CFAP92: variants seen among roughly 807,000 people sequenced by gnomAD.
CFAP92 encodes cilia and flagella associated protein 92 (putative).
CFAP92 carries 86 observed loss-of-function variants against 106.3 expected under a neutral mutation model. That is an observed-to-expected ratio of 0.81 (90% CI 0.68 to 0.97). The LOEUF is 0.97. CFAP92 is among the 50% of genes least tolerant of loss of function. The pLI is 0.00. For missense variants in CFAP92, 1,204 were observed against 1,283.8 expected, an observed-to-expected ratio of 0.94 and a Z score of 0.95; for synonymous variants, 477 against 506.4, an observed-to-expected ratio of 0.94 and a Z score of 0.78.
chr3:128,990,682 G>T (rs1446654372), intron 2 of CFAP92, among the ~76,000 whole-genome samples: 3 of 151,806 alleles, frequency 2.0e-5, no homozygotes, highest in Non-Finnish European at 4.4e-5. Context: ...GATCACCTAA[G>T]GTCAGGAGTT....
At chr3:129,001,581 CGAAGGGACCGGA>C (rs999506884) in intron 1 of CFAP92, 17 of 1,346,364 alleles carry the variant, frequency 1.3e-5, no homozygotes, top group Non-Finnish European at 1.5e-5. Context: ...AGTGGCGGGG[CGAAGGGACCGGA>C]GGAGGGACCG....
intron 1 of CFAP92, chr3:129,002,035 A>C: frequency 6.5e-7 from 1 of 1,543,642 alleles, no homozygotes; most frequent in Non-Finnish European, 8.7e-7. Flanking sequence ...CTGCGCGCCG[A>C]GCCGCCGGAG....
intron 1 of CFAP92, chr3:129,001,714 G>C: frequency 6.6e-7 from 1 of 1,513,926 alleles, no homozygotes; most frequent in Non-Finnish European, 8.8e-7. Flanking sequence ...CGCACGCAGT[G>C]GCTGCTGAGC....
chr3:128,935,146 C>T lies in CFAP92; in HGVS notation c.2432G>A (p.Arg811Gln), dbSNP rs931296594. ...VFFLRDTERR[R>Q]VFQALARIHD... ...CCACCTGGCTAGAGCCTGGAAGACC[C>T]GCCTCCGCTCAGTGTCTCGCAGGAA... is the stretch of plus-strand genomic sequence containing the variant. The change falls in exon 11 of 16, where the codon CGG becomes CAG. Residue 811 changes from arginine to glutamine, a missense_variant. Physicochemically the swap from Arg to Gln is conservative, Grantham distance 43. Transcript: ENST00000645291. 21 of 1,530,720 alleles carry T rather than the reference C, an allele frequency of 1.4e-5. No individual in the cohort carries two copies. The African/African-American group carries it at 1.6e-4, about 12-fold the overall frequency. 94.8% of individuals were successfully genotyped at this position (1,530,720 alleles called of 1,614,324 possible). A position where few individuals can be genotyped will look rare whatever the true frequency, so the allele number is the denominator to read the frequency against.
At chr3:129,001,109 G>C (rs1257827921) in intron 1 of CFAP92, among the ~76,000 whole-genome samples, 2 of 152,246 alleles carry the variant, frequency 1.3e-5, no homozygotes, top group African/African-American at 4.8e-5. Context: ...CCGGGAAGAG[G>C]GGGAAGAGTG....
Position 128,915,239 on chromosome 3 carries a change from C to T in CFAP92, c.3160G>A (p.Glu1054Lys). 1 of 1,536,172 alleles carries T rather than the reference C, an allele frequency of 6.5e-7. No individual in the cohort carries two copies. Among genetic ancestry groups the T allele is most frequent in the Non-Finnish European group, 8.7e-7 (1 of 1,146,932 alleles). The change falls in exon 15 of 16, where the codon GAG (glutamate) becomes AAG (lysine). Residue 1054 changes from glutamate to lysine, a missense_variant. Glu to Lys is a moderately conservative substitution (Grantham distance 56, BLOSUM62 1). Transcript: ENST00000645291. ...CACCTGTCTCGATCCAACACAGGCTCCAGTACATTAGCAAACAGGGAGTTT... is the reference window on the plus strand; with the variant it reads ...CACCTGTCTCGATCCAACACAGGCTTCAGTACATTAGCAAACAGGGAGTTT... ...KENSLFANVL[E>K]PVLDRDRWSW...
chr3:128,949,181 C>T (rs1233481809), intron 9 of CFAP92, among the ~76,000 whole-genome samples: 1 of 152,190 alleles, frequency 6.6e-6, no homozygotes, highest in African/African-American at 2.4e-5. Context: ...ATATACTTAA[C>T]ATATAGCCTA....
intron 9 of CFAP92, among the ~76,000 whole-genome samples, chr3:128,964,351 T>C (rs1288251925): frequency 6.6e-6 from 1 of 152,186 alleles, no homozygotes; most frequent in East Asian, 1.9e-4. Flanking sequence ...CCAGTCTCAT[T>C]TGACACCAGA....
chr3:129,004,098 TG>T, upstream of CFAP92: 1 of 1,472,408 alleles, frequency 6.8e-7, no homozygotes, highest in Non-Finnish European at 8.9e-7. Context: ...GCGCGTGCCC[TG>T]GGCCCAAGTT....
chr3:128,980,260 G>A (rs1014164591), intron 4 of CFAP92, among the ~76,000 whole-genome samples: 23 of 151,320 alleles, frequency 1.5e-4, no homozygotes, highest in African/African-American at 3.6e-4. Flanking sequence ...CCAGCTACTC[G>A]GGAGGCTGAG....
chr3:128,962,726 C>A (rs1942038423), intron 9 of CFAP92, among the ~76,000 whole-genome samples: 1 of 152,180 alleles, frequency 6.6e-6, no homozygotes, highest in African/African-American at 2.4e-5. Context: ...GGATTAAAGC[C>A]TGTGATCACT....
upstream of CFAP92, among the ~76,000 whole-genome samples, chr3:128,998,572 T>A (rs1944567679): frequency 6.6e-6 from 1 of 152,188 alleles, no homozygotes; most frequent in African/African-American, 2.4e-5. Context: ...TTATAAAATA[T>A]GTATACTCCT....
At chr3:128,994,817 C>T (rs529679220), upstream of CFAP92, among the ~76,000 whole-genome samples, 1 of 152,134 alleles carries the variant, frequency 6.6e-6, no homozygotes, top group Non-Finnish European at 1.5e-5. Flanking sequence ...GGGTAGGCCT[C>T]ATGGAGGAAG....
the CFAP92 span, among the ~76,000 whole-genome samples, chr3:129,024,148 C>T: frequency 1.3e-5 from 2 of 152,182 alleles, no homozygotes; most frequent in Admixed American, 6.5e-5. Flanking sequence ...ACACACCACA[C>T]GAGGGCTCTA....
At chr3:128,997,998 T>G (rs1361498684), upstream of CFAP92, among the ~76,000 whole-genome samples, 1 of 152,234 alleles carries the variant, frequency 6.6e-6, no homozygotes, top group Non-Finnish European at 1.5e-5. Context: ...GCTATTCTCA[T>G]GAGTATAATA....
chr3:129,009,962 G>A, the CFAP92 span, among the ~76,000 whole-genome samples: 30 of 152,362 alleles, frequency 2.0e-4, no homozygotes, highest in Admixed American at 3.9e-4. Context: ...GGTTCTGTCC[G>A]TAGCTGGGAG....
rs1299645049 is a variant in CFAP92 at position 128,935,184 on chromosome 3, C to T, written c.2394G>A (p.Gln798=). 3 of 1,535,926 alleles carry T rather than the reference C, an allele frequency of 2.0e-6. No homozygotes were observed. Among genetic ancestry groups the T allele is most frequent in the Non-Finnish European group, 2.6e-6 (3 of 1,146,746 alleles). The change falls in exon 11 of 16, where the codon CAG becomes CAA. Residue 798 remains glutamine (Q), a synonymous_variant. Coordinates refer to ENST00000645291, the MANE Select transcript of CFAP92 (RefSeq NM_001394090.1). ...TGTCTCGCAGGAAGAACACCGCCTGCTGCAGCAGCAGCTCCGTGGGCTGGA... is the reference window on the plus strand; with the variant it reads ...TGTCTCGCAGGAAGAACACCGCCTGTTGCAGCAGCAGCTCCGTGGGCTGGA... ...HLFQPTELLL[Q]QAVFFLRDTE... is the part of the protein sequence containing the mutation.
intron 2 of CFAP92, among the ~76,000 whole-genome samples, chr3:128,990,148 A>G (rs1944123861): frequency 6.6e-6 from 1 of 152,270 alleles, no homozygotes; most frequent in South Asian, 2.1e-4. Context: ...AATTAGAGAC[A>G]TATAATGGAA....
chr3:128,997,913 G>A (rs1259078490), upstream of CFAP92, among the ~76,000 whole-genome samples: 2 of 152,204 alleles, frequency 1.3e-5, no homozygotes, highest in African/African-American at 2.4e-5. Flanking sequence ...ATCATTTTGT[G>A]TTCCCATCAA....
Sources: gnomAD v4.1 joint callset for allele counts (sites outside exome capture counted in the v4.1 genomes callset) on GRCh38, gnomAD v4.1.1 for gene constraint, MANE v1.5 for transcripts, NCBI Gene and HGNC (gene_info 2026-07-23, HGNC 2026-07-21) for gene names.